The following PIEZO2 variants were observed in gnomAD, a reference collection of about 807,000 sequenced individuals.
PIEZO2 encodes piezo-type mechanosensitive ion channel component 2.
Under a neutral mutation model 337.3 loss-of-function variants are expected in PIEZO2, and 172 were observed. The observed-to-expected ratio is 0.51, with a 90% CI of 0.45 to 0.58. PIEZO2 has a LOEUF of 0.58. Among genes scored for constraint, PIEZO2 ranks in the 20% least tolerant of loss-of-function variants. The probability of loss-of-function intolerance (pLI) is 0.00; values close to 1 mark genes in which losing one functional copy is unlikely to be tolerated. For synonymous variants in PIEZO2, 1,251 were observed against 1,228.5 expected (o/e 1.02, Z -0.38); for missense variants, 3,028 against 3,391.3 (o/e 0.89, Z 2.66).
chr18:10,741,887 C>T (rs1251846354), intron 32 of PIEZO2, among the ~76,000 whole-genome samples: 1 of 152,112 alleles, frequency 6.6e-6, no homozygotes. Flanking sequence ...GGCTCGGTGG[C>T]TCACGCCTGT....
At position 10,766,736 on chromosome 18, in the gene PIEZO2, A is replaced by T. The variant is rs765339043; in HGVS notation, c.2946+3412T>A. 1.3e-5 allele frequency among the ~76,000 whole-genome samples: 2 copies of T among 152,234 alleles called. No homozygotes were observed. Among genetic ancestry groups the T allele is most frequent in the East Asian group, 3.8e-4 (2 of 5,204 alleles). On this transcript the variant is annotated intron_variant, in intron 21 of 55. Transcript: ENST00000674853. This position sits in a 1 kb window ranked among gnomAD's most constrained non-coding sequence, Gnocchi z 6.1. ...TGCTCACTGTGGACACCTCTAGCAC[A>T]GCAGTTATTATCACTTTTAGTTTTA...
rs79637706 is a variant in PIEZO2, at chr18:10,672,514, T to C, written c.8345+176A>G. On this transcript the variant is annotated intron_variant, in intron 55 of 55. Coordinates refer to ENST00000674853, the MANE Select transcript of PIEZO2 (RefSeq NM_001378183.1). The surrounding 1 kb of genome is among the most constrained non-coding windows in gnomAD (Gnocchi z 4.7). ...GTGAGTCACACTGGGAGTTTTGATC[T>C]CTTTGGGACTCTGGTGCCTCATTTT... Among the ~76,000 whole-genome samples the C allele has an allele frequency of 6.7e-3, 1,014 of 152,302 alleles. 6 individuals carry two copies. Among genetic ancestry groups the C allele is most frequent in the Non-Finnish European group, 9.8e-3 (670 of 68,038 alleles).
At position 10,784,504 on chromosome 18, in the gene PIEZO2, TC is replaced by T. The variant is rs1568053888; in HGVS notation, c.2492+279del. Among the ~76,000 whole-genome samples the T allele has an allele frequency of 6.6e-6, 1 of 152,172 alleles. No homozygotes were observed. The highest frequency in any genetic ancestry group is 1.9e-4 in the East Asian group (1 of 5,184). The stretch of plus-strand genomic sequence containing the variant: ...ACCAGCCTAGACACAAATACACATA[TC>T]AACTCTAAAATATTTAAGTCTCCAC... On this transcript the variant is annotated intron_variant, in intron 17 of 55. Transcript: ENST00000674853. This position sits in a 1 kb window ranked among gnomAD's most constrained non-coding sequence, Gnocchi z 4.5.
intron 51 of PIEZO2, among the ~76,000 whole-genome samples, chr18:10,681,454 T>C (rs2034261028): frequency 6.6e-6 from 1 of 152,200 alleles, no homozygotes; most frequent in African/African-American, 2.4e-5. Flanking sequence ...TATTTAAATG[T>C]TTATTACCAC....
At chr18:10,968,070 TTA>T (rs990609446) in intron 3 of PIEZO2, among the ~76,000 whole-genome samples, 27 of 152,246 alleles carry the variant, frequency 1.8e-4, no homozygotes, top group African/African-American at 6.5e-4. Context: ...TCTAGAATTT[TTA>T]TGGCTTCAGG....
chr18:10,952,539 T>C lies in PIEZO2; in HGVS notation c.286+26996A>G, dbSNP rs2033342520. Among the ~76,000 whole-genome samples the C allele has an allele frequency of 3.3e-5, 5 of 152,236 alleles. No homozygotes were observed. Among genetic ancestry groups the C allele is most frequent in the Admixed American group, 3.3e-4 (5 of 15,278 alleles). On this transcript the variant is annotated intron_variant, in intron 3 of 55. Transcript: ENST00000674853. The surrounding 1 kb of genome is among the most constrained non-coding windows in gnomAD (Gnocchi z 4.1). ...ATTGAGATGCTCTTGCATGTACCCA[T>C]AGTTTGTTGCTTTCTATTGTTGACC...
chr18:11,109,187 G>A lies in PIEZO2; in HGVS notation c.64+39338C>T, dbSNP rs982749825. 1.3e-4 allele frequency among the ~76,000 whole-genome samples: 20 copies of A among 152,244 alleles called. 1 individual carries two copies. Among genetic ancestry groups the A allele is most frequent in the Admixed American group, 9.2e-4 (14 of 15,290 alleles). ...CCACACATCTTGACAACTCCACCAC[G>A]TCCATAACCTCATGGAAGTGCAGCT... is the stretch of plus-strand genomic sequence containing the variant. On this transcript the variant is annotated intron_variant, in intron 1 of 55. Coordinates refer to ENST00000674853, the MANE Select transcript of PIEZO2 (RefSeq NM_001378183.1). This position sits in a 1 kb window ranked among gnomAD's most constrained non-coding sequence, Gnocchi z 5.1.
At chr18:10,690,844 A>T (rs903615212) in intron 48 of PIEZO2, among the ~76,000 whole-genome samples, 5 of 152,214 alleles carry the variant, frequency 3.3e-5, no homozygotes, top group Admixed American at 1.3e-4. Context: ...TATACAAAAA[A>T]TTCTAAGGAT....
intron 14 of PIEZO2, among the ~76,000 whole-genome samples, chr18:10,790,543 A>G (rs2039372933): frequency 6.6e-6 from 1 of 152,176 alleles, no homozygotes; most frequent in Non-Finnish European, 1.5e-5. Flanking sequence ...ATTGTGGTAT[A>G]CTATTGTTAA....
rs200607626 is a variant in PIEZO2 at position 10,959,203 on chromosome 18, A to G, written c.286+20332T>C. On this transcript the variant is annotated intron_variant, in intron 3 of 55. Transcript: ENST00000674853. The stretch of plus-strand genomic sequence containing the variant: ...AAAGAGCTGTTTTAAATGGTTTTCC[A>G]TTTGTCTTTGTATTTGTCTTGTTTT... 2.6e-5 allele frequency among the ~76,000 whole-genome samples: 4 copies of G among 152,248 alleles called. 1 individual carries two copies. In the East Asian group the frequency reaches 5.8e-4, roughly 22 times the overall value.
At chr18:10,978,098 G>A (rs1007371742) in intron 3 of PIEZO2, among the ~76,000 whole-genome samples, 18 of 152,072 alleles carry the variant, frequency 1.2e-4, no homozygotes, top group South Asian at 4.1e-4. Flanking sequence ...CGAGGCAGGC[G>A]GATCACGAGG....
chr18:10,701,936 G>A, intron 43 of PIEZO2, 53 bp downstream of exon 43: 1 of 1,424,964 alleles, frequency 7.0e-7, no homozygotes, highest in Non-Finnish European at 9.2e-7. Flanking sequence ...TTACGGTCCA[G>A]GTTATCTAGG....
intron 18 of PIEZO2, among the ~76,000 whole-genome samples, chr18:10,774,524 C>T (rs185065692): frequency 6.6e-5 from 10 of 152,166 alleles, no homozygotes; most frequent in Admixed American, 3.3e-4. Flanking sequence ...GTTACTGATG[C>T]GAACTGTCGA....
At chr18:10,996,355 T>C (rs2035318808) in intron 2 of PIEZO2, among the ~76,000 whole-genome samples, 2 of 152,240 alleles carry the variant, frequency 1.3e-5, no homozygotes, top group African/African-American at 4.8e-5. Flanking sequence ...TTAATTAAGG[T>C]GAAATTCACA....
intron 2 of PIEZO2, among the ~76,000 whole-genome samples, chr18:11,042,046 T>G (rs1244254886): frequency 1.3e-5 from 2 of 152,206 alleles, no homozygotes; most frequent in Non-Finnish European, 2.9e-5. Flanking sequence ...GGCCAAATCA[T>G]CTCTCTGGTA....
chr18:10,849,544 T>C (rs1426245777), intron 7 of PIEZO2, among the ~76,000 whole-genome samples: 1 of 152,168 alleles, frequency 6.6e-6, no homozygotes, highest in Non-Finnish European at 1.5e-5. Flanking sequence ...GGGCACCATC[T>C]GCATCGTTAA....
intron 3 of PIEZO2, among the ~76,000 whole-genome samples, chr18:10,938,429 T>C (rs1232703339): frequency 6.6e-6 from 1 of 152,214 alleles, no homozygotes; most frequent in East Asian, 1.9e-4. Context: ...GGCACTGACT[T>C]CTGCCAAAAA....
intron 4 of PIEZO2, among the ~76,000 whole-genome samples, chr18:10,902,377 GTAGATTTTGTCA>G (rs1239760128): frequency 6.6e-6 from 1 of 152,180 alleles, no homozygotes; most frequent in Non-Finnish European, 1.5e-5. Context: ...AGGAACATTT[GTAGATTTTGTCA>G]TCTGAGAAAG....
intron 36 of PIEZO2, among the ~76,000 whole-genome samples, chr18:10,721,854 A>T (rs1292507358): frequency 6.6e-6 from 1 of 152,192 alleles, no homozygotes; most frequent in South Asian, 2.1e-4. Context: ...TCCACTTCAT[A>T]GAATAAAAAT....
Sources: gnomAD v4.1 joint callset for allele counts (sites outside exome capture counted in the v4.1 genomes callset) on GRCh38, gnomAD v4.1.1 for gene constraint, Gnocchi (gnomAD v3.1) non-coding constraint, MANE v1.5 for transcripts, NCBI Gene and HGNC (gene_info 2026-07-23, HGNC 2026-07-21) for gene names.